Variants in INSC observed in about 807,000 individuals in gnomAD.
INSC encodes protein inscuteable homolog.
In INSC, 67 loss-of-function variants were observed where a neutral mutation model predicts 58.6. The observed-to-expected ratio is 1.14, with a 90% CI of 0.94 to 1.40. INSC has a LOEUF of 1.40. Ranked by LOEUF, INSC falls within the 40% of genes most tolerant of loss-of-function variation. The pLI, the probability that INSC is intolerant of heterozygous loss-of-function variation, is 0.00. For missense variants in INSC, 714 were observed against 692.0 expected, an observed-to-expected ratio of 1.03 and a Z score of -0.36; for synonymous variants, 262 against 276.1, an observed-to-expected ratio of 0.95 and a Z score of 0.51.
intron 2 of INSC, among the ~76,000 whole-genome samples, chr11:15,162,070 A>G (rs564633276): frequency 4.6e-5 from 7 of 152,194 alleles, no homozygotes; most frequent in Non-Finnish European, 1.0e-4. Context: ...CCTCACTGAG[A>G]GAGTCTTCCT....
intron 2 of INSC, among the ~76,000 whole-genome samples, chr11:15,150,949 G>A (rs1389192202): frequency 6.6e-6 from 1 of 152,198 alleles, no homozygotes; most frequent in African/African-American, 2.4e-5. Context: ...CTATGCACCT[G>A]TTTTTTCTTC....
chr11:15,116,801 TTTCTTTTCTTTC>T (rs1404446551), intron 1 of INSC, among the ~76,000 whole-genome samples: 7 of 81,942 alleles, frequency 8.5e-5, no homozygotes, highest in East Asian at 6.0e-4. Flanking sequence ...TTTTCTTTTC[TTTCTTTTCTTTC>T]TTTCTTTCTT....
At chr11:15,209,676 G>T (rs1307700497) in intron 7 of INSC, among the ~76,000 whole-genome samples, 1 of 152,060 alleles carries the variant, frequency 6.6e-6, no homozygotes, top group Non-Finnish European at 1.5e-5. Context: ...AATAATGTTT[G>T]CTATGAAACC....
intron 10 of INSC, among the ~76,000 whole-genome samples, chr11:15,237,936 A>G (rs1056983269): frequency 2.0e-5 from 3 of 152,140 alleles, no homozygotes; most frequent in Non-Finnish European, 2.9e-5. Context: ...TGTAGACACT[A>G]TATGGGGCAA....
Position 15,115,816 on chromosome 11 carries a change from G to A in INSC, c.-46+813G>A, listed in dbSNP as rs114273895. ...ATGCAACCATTCACACTTTCAACAT[G>A]TATACCTGTGGACAACGACATGTAT... On this transcript the variant is annotated intron_variant, in intron 1 of 12. Transcript: ENST00000379556. Among the ~76,000 whole-genome samples the A allele has an allele frequency of 8.5e-3, 1,301 of 152,284 alleles. 18 individuals carry two copies. Among genetic ancestry groups the A allele is most frequent in the African/African-American group, 0.03 (1,243 of 41,548 alleles).
chr11:15,257,996 T>C, the INSC span, among the ~76,000 whole-genome samples: 2 of 151,706 alleles, frequency 1.3e-5, no homozygotes, highest in African/African-American at 4.8e-5. Flanking sequence ...CCTGGAGAGG[T>C]AGGAAAGGGA....
At chr11:15,233,719 C>T (rs1852014118) in intron 9 of INSC, among the ~76,000 whole-genome samples, 2 of 146,350 alleles carry the variant, frequency 1.4e-5, no homozygotes, top group East Asian at 2.0e-4. Flanking sequence ...CTTTACCTCC[C>T]TTCCTCCCTC....
intron 5 of INSC, among the ~76,000 whole-genome samples, chr11:15,180,099 G>A (rs1792585): frequency 0.57 from 85,881 of 151,694 alleles, 24,839 homozygotes; most frequent in East Asian, 0.93. Context: ...TACTGAAAAT[G>A]CAAAAAAAAT....
chr11:15,253,871 G>A, the INSC span, among the ~76,000 whole-genome samples: 9 of 152,274 alleles, frequency 5.9e-5, no homozygotes, highest in South Asian at 1.4e-3. Flanking sequence ...GATTTGGAGT[G>A]TAGACTGGGA....
intron 6 of INSC, among the ~76,000 whole-genome samples, chr11:15,193,893 C>T (rs917932101): frequency 2.6e-5 from 4 of 152,094 alleles, no homozygotes; most frequent in Non-Finnish European, 4.4e-5. Context: ...AATTCTGTAC[C>T]AGGTTGGTCT....
chr11:15,149,250 C>A lies in INSC; in HGVS notation c.56+20C>A. ...TCAGCGGTAAGTCCTACAGCTGTCA[C>A]TCCAGGCCAGGCCTGCCCCATCTGA... On this transcript the variant is annotated intron_variant, in intron 2 of 12. Transcript: ENST00000379556. The A allele has an allele frequency of 6.4e-7, 1 of 1,552,610 alleles. No individual in the cohort carries two copies. Among genetic ancestry groups the A allele is most frequent in the Non-Finnish European group, 8.7e-7 (1 of 1,148,698 alleles).
rs538128744 is a variant in INSC, at chr11:15,246,344, C to G, written c.*304C>G. Reference sequence around the variant, plus strand: ...TCCACTTCATCTTATTTTTTCTACTCTCACTATACAATCTTGCCTCATTTT... The same window carrying G: ...TCCACTTCATCTTATTTTTTCTACTGTCACTATACAATCTTGCCTCATTTT... On this transcript the variant is annotated 3_prime_UTR_variant, in exon 13 of 13. Transcript: ENST00000379556. The G allele has an allele frequency of 9.9e-6, 2 of 201,462 alleles. No homozygotes were observed. Among genetic ancestry groups the G allele is most frequent in the South Asian group, 2.3e-4 (2 of 8,684 alleles). The allele number at this position is 201,462 out of a possible 1,614,324, so 12.5% of individuals were successfully genotyped here. A position where few individuals can be genotyped will look rare whatever the true frequency, so the allele number is the denominator to read the frequency against.
rs1850564302 is a variant in INSC, at chr11:15,200,914, TG to T, written c.785del (p.Cys262SerfsTer23). 2.5e-6 allele frequency: 4 copies of T among 1,612,598 alleles called. No individual in the cohort carries two copies. Among genetic ancestry groups the T allele is most frequent in the Non-Finnish European group, 3.4e-6 (4 of 1,179,576 alleles). On this transcript the variant is annotated frameshift_variant, in exon 7 of 13. Transcript: ENST00000379556. LOFTEE classifies it high-confidence loss of function. ...PQALRTLASI[C>X]CVEEGVHQLE... Reference sequence around the variant, plus strand: ...GGCGCTCCGCACGCTGGCCTCCATCTGCTGCGTGGAAGAGGGTGTCCACCAG... The same window carrying T: ...GGCGCTCCGCACGCTGGCCTCCATCTCTGCGTGGAAGAGGGTGTCCACCAG...
chr11:15,226,363 G>A (rs377202100), intron 9 of INSC, among the ~76,000 whole-genome samples: 9 of 152,174 alleles, frequency 5.9e-5, no homozygotes, highest in African/African-American at 2.2e-4. Context: ...AGTCATAATT[G>A]TCTATGTATA....
At chr11:15,155,606 G>A (rs1848789232) in intron 2 of INSC, among the ~76,000 whole-genome samples, 1 of 152,118 alleles carries the variant, frequency 6.6e-6, no homozygotes, top group African/African-American at 2.4e-5. Flanking sequence ...GCCCATTTGG[G>A]GTGCTTAGTA....
chr11:15,228,900 G>T (rs975270460), intron 9 of INSC, among the ~76,000 whole-genome samples: 10 of 152,164 alleles, frequency 6.6e-5, no homozygotes, highest in Admixed American at 5.9e-4. Context: ...ATACCCTTCA[G>T]CTAATCCACA....
chr11:15,242,016 C>G (rs1427576555), intron 12 of INSC, among the ~76,000 whole-genome samples: 1 of 152,164 alleles, frequency 6.6e-6, no homozygotes, highest in Non-Finnish European at 1.5e-5. Flanking sequence ...CACATTGCAA[C>G]TGAAGGAAAT....
chr11:15,159,443 A>G (rs979720688), intron 2 of INSC, among the ~76,000 whole-genome samples: 47 of 152,368 alleles, frequency 3.1e-4, no homozygotes, highest in Non-Finnish European at 8.8e-5. Flanking sequence ...AGGGAGAAGA[A>G]CAGAATAGAA....
chr11:15,227,733 G>C (rs147897798), intron 9 of INSC, among the ~76,000 whole-genome samples: 1 of 152,266 alleles, frequency 6.6e-6, no homozygotes, highest in African/African-American at 2.4e-5. Context: ...TAGTAGAGAG[G>C]GAGACAGGAG....
Sources: gnomAD v4.1 joint callset for allele counts (sites outside exome capture counted in the v4.1 genomes callset) on GRCh38, gnomAD v4.1.1 for gene constraint, MANE v1.5 for transcripts, NCBI Gene and HGNC (gene_info 2026-07-23, HGNC 2026-07-21) for gene names.